The following SPAG16 variants were observed in gnomAD, a reference collection of about 807,000 sequenced individuals.
SPAG16 encodes sperm associated antigen 16, also known as sperm-associated antigen 16 protein.
SPAG16 carries 86 observed loss-of-function variants against 80.4 expected under a neutral mutation model. The observed-to-expected ratio is 1.07, with a 90% CI of 0.90 to 1.28. SPAG16 has a LOEUF of 1.28. Ranked by LOEUF, SPAG16 falls within the 50% of genes most tolerant of loss-of-function variation. SPAG16 has a pLI of 0.00. For missense variants in SPAG16, 870 were observed against 765.3 expected (o/e 1.14, Z -1.61); for synonymous variants, 294 against 265.9 (o/e 1.11, Z -1.03).
At chr2:214,309,634 T>G (rs1237456657) in intron 15 of SPAG16, among the ~76,000 whole-genome samples, 7 of 152,152 alleles carry the variant, frequency 4.6e-5, no homozygotes, top group Non-Finnish European at 1.0e-4. Context: ...GTCAGCTGAC[T>G]AGCTTCATTT....
At chr2:214,319,187 G>A (rs1356975001) in intron 15 of SPAG16, among the ~76,000 whole-genome samples, 4 of 25,138 alleles carry the variant, frequency 1.6e-4, no homozygotes, top group Admixed American at 4.6e-4. Context: ...TAATAAACTT[G>A]CACACACACA....
chr2:214,410,435 A>G lies in SPAG16; in HGVS notation c.*120A>G. On this transcript the variant is annotated 3_prime_UTR_variant, in exon 16 of 16. Coordinates refer to ENST00000331683, the MANE Select transcript of SPAG16 (RefSeq NM_024532.5). ...GCAGGTAACATTTACAGTCTGCTTT[A>G]AAACATGCTTTGGACATATATTTTA... The G allele has an allele frequency of 1.1e-6, 1 of 926,874 alleles. No individual in the cohort carries two copies. Among genetic ancestry groups the G allele is most frequent in the Non-Finnish European group, 1.6e-6 (1 of 627,638 alleles). The allele number at this position is 926,874 out of a possible 1,614,324, so 57.4% of individuals were successfully genotyped here. A position where few individuals can be genotyped will look rare whatever the true frequency, so the allele number is the denominator to read the frequency against.
chr2:213,298,469 A>G (rs2062597887), intron 3 of SPAG16, among the ~76,000 whole-genome samples: 2 of 152,208 alleles, frequency 1.3e-5, no homozygotes, highest in African/African-American at 4.8e-5. Flanking sequence ...CAAATTCTTT[A>G]TGTACCACTC....
chr2:214,175,855 T>C (rs1304067252), intron 15 of SPAG16, among the ~76,000 whole-genome samples: 1 of 151,466 alleles, frequency 6.6e-6, no homozygotes, highest in South Asian at 2.1e-4. Flanking sequence ...CCTTCAGTAG[T>C]TAAGTTTCTT....
intron 10 of SPAG16, among the ~76,000 whole-genome samples, chr2:213,841,078 A>G (rs1038327438): frequency 6.6e-6 from 1 of 152,166 alleles, no homozygotes; most frequent in African/African-American, 2.4e-5. Flanking sequence ...TATTCCTGCA[A>G]TACACACAAA....
intron 11 of SPAG16, among the ~76,000 whole-genome samples, chr2:213,896,886 T>A (rs2077015338): frequency 6.6e-6 from 1 of 151,414 alleles, no homozygotes; most frequent in African/African-American, 2.4e-5. Context: ...TTAAAGGGAG[T>A]AGATTGGTCA....
At chr2:214,263,396 T>C (rs1323119509) in intron 15 of SPAG16, among the ~76,000 whole-genome samples, 2 of 152,226 alleles carry the variant, frequency 1.3e-5, no homozygotes, top group Non-Finnish European at 2.9e-5. Flanking sequence ...TGTGTGAATG[T>C]GTGTATAGCA....
chr2:213,956,098 C>T (rs978469234), intron 12 of SPAG16, among the ~76,000 whole-genome samples: 3 of 151,682 alleles, frequency 2.0e-5, no homozygotes, highest in Non-Finnish European at 4.4e-5. Context: ...GTTGGGATTA[C>T]GCATTCACCA....
intron 5 of SPAG16, among the ~76,000 whole-genome samples, chr2:213,331,742 A>G (rs1208048255): frequency 2.0e-5 from 3 of 152,228 alleles, no homozygotes; most frequent in African/African-American, 7.2e-5. Flanking sequence ...TGGAAACCAT[A>G]TGAACATGTA....
At chr2:213,528,077 A>G (rs891878930) in intron 10 of SPAG16, among the ~76,000 whole-genome samples, 9 of 152,254 alleles carry the variant, frequency 5.9e-5, no homozygotes, top group African/African-American at 2.2e-4. Context: ...ATAGACTTTG[A>G]AAATATAACA....
chr2:213,973,541 T>C (rs1328584096), intron 12 of SPAG16, among the ~76,000 whole-genome samples: 1 of 152,088 alleles, frequency 6.6e-6, no homozygotes, highest in East Asian at 1.9e-4. Context: ...AGAACACCGG[T>C]TAACATCTTC....
intron 15 of SPAG16, among the ~76,000 whole-genome samples, chr2:214,193,695 C>T (rs906196116): frequency 6.6e-6 from 1 of 152,052 alleles, no homozygotes; most frequent in Non-Finnish European, 1.5e-5. Flanking sequence ...GAGATACTCA[C>T]TAAATGATGG....
intron 8 of SPAG16, among the ~76,000 whole-genome samples, chr2:213,372,585 C>G (rs1254002070): frequency 6.6e-6 from 1 of 152,004 alleles, no homozygotes; most frequent in African/African-American, 2.4e-5. Context: ...CTAATTAATA[C>G]TTTTTTCAAA....
intron 10 of SPAG16, among the ~76,000 whole-genome samples, chr2:213,731,689 C>T (rs547609427): frequency 1.3e-5 from 2 of 152,114 alleles, no homozygotes; most frequent in African/African-American, 4.8e-5. Context: ...CACAATGTAT[C>T]CATGTGTTCT....
chr2:213,994,788 T>C (rs1003250471), intron 12 of SPAG16, among the ~76,000 whole-genome samples: 2 of 152,104 alleles, frequency 1.3e-5, no homozygotes, highest in African/African-American at 2.4e-5. Context: ...GGAGCAAAAA[T>C]TGTTTTTATA....
intron 10 of SPAG16, among the ~76,000 whole-genome samples, chr2:213,490,849 A>G (rs2074204134): frequency 6.6e-6 from 1 of 152,234 alleles, no homozygotes; most frequent in African/African-American, 2.4e-5. Context: ...ATACAAAAAT[A>G]TATGGCATTT....
chr2:214,234,056 G>T (rs1688896734), intron 15 of SPAG16, among the ~76,000 whole-genome samples: 1 of 137,924 alleles, frequency 7.3e-6, no homozygotes, highest in African/African-American at 2.4e-5. Context: ...CTTTCAATAG[G>T]CCCCAGTATG....
At chr2:213,437,380 C>T (rs906906607) in intron 9 of SPAG16, among the ~76,000 whole-genome samples, 4 of 152,118 alleles carry the variant, frequency 2.6e-5, no homozygotes, top group Admixed American at 6.5e-5. Flanking sequence ...TAACTTTTAA[C>T]GGGTTAAATA....
chr2:214,144,684 C>T (rs990789481), intron 14 of SPAG16, among the ~76,000 whole-genome samples: 2 of 151,962 alleles, frequency 1.3e-5, no homozygotes, highest in Non-Finnish European at 2.9e-5. Context: ...TATTGTTCAG[C>T]CTTCAGGAAT....
Sources: allele counts gnomAD v4.1 joint callset (sites outside exome capture counted in the v4.1 genomes callset), GRCh38; gene constraint gnomAD v4.1.1; transcripts MANE v1.5; gene names NCBI Gene and HGNC (gene_info 2026-07-23, HGNC 2026-07-21).